Variants in DLGAP1 observed in about 807,000 individuals in gnomAD.
The protein encoded by DLGAP1 is DLG associated protein 1, also known as disks large-associated protein 1.
A neutral mutation model predicts 90.8 loss-of-function variants in DLGAP1; 11 were observed. That is an observed-to-expected ratio of 0.12 (90% CI 0.08 to 0.20). DLGAP1 has a LOEUF of 0.20. Ranked by LOEUF, DLGAP1 falls within the 10% of genes least tolerant of loss-of-function variation. The pLI, the probability that DLGAP1 is intolerant of heterozygous loss-of-function variation, is 1.00. For synonymous variants in DLGAP1, 558 were observed against 540.7 expected, an observed-to-expected ratio of 1.03 and a Z score of -0.44; for missense variants, 1,050 against 1,333.8, an observed-to-expected ratio of 0.79 and a Z score of 3.31.
intron 2 of DLGAP1, among the ~76,000 whole-genome samples, chr18:4,067,822 C>T (rs376976491): frequency 8.5e-5 from 13 of 152,112 alleles, no homozygotes; most frequent in African/African-American, 3.1e-4. Flanking sequence ...CTAGTTGTCC[C>T]CCCTTTCCTG....
At chr18:4,437,177 AC>A (rs1429446604) in intron 1 of DLGAP1, among the ~76,000 whole-genome samples, 1 of 152,242 alleles carries the variant, frequency 6.6e-6, no homozygotes, top group Admixed American at 6.5e-5. Context: ...ATATTGGCTG[AC>A]TGAAACATTG....
At chr18:3,853,247 C>A (rs1218477110) in intron 4 of DLGAP1, among the ~76,000 whole-genome samples, 1 of 152,088 alleles carries the variant, frequency 6.6e-6, no homozygotes, top group Non-Finnish European at 1.5e-5. Context: ...TGAACACTTA[C>A]ATTTTCAAGG....
rs551220919 is a variant in DLGAP1, at chr18:4,366,833, G to A, written c.-267+88173C>T. ...CATTTCTAGAGCATATCTAGAGGCT[G>A]TATCCAAAAAATCAAGATTGTTTCT... On this transcript the variant is annotated intron_variant, in intron 1 of 12. Coordinates refer to ENST00000315677, the MANE Select transcript of DLGAP1 (RefSeq NM_004746.4). Among the ~76,000 whole-genome samples, 4 of 151,776 alleles carry A rather than the reference G, an allele frequency of 2.6e-5. No individual in the cohort carries two copies. In the East Asian group the frequency reaches 5.8e-4, roughly 22 times the overall value.
intron 3 of DLGAP1, among the ~76,000 whole-genome samples, chr18:3,976,197 T>G (rs1398843938): frequency 6.8e-6 from 1 of 147,416 alleles, no homozygotes; most frequent in Admixed American, 6.8e-5. Context: ...AATACAATAA[T>G]AATAATAATA....
chr18:4,178,202 AACACACAC>A (rs59444096), intron 1 of DLGAP1, among the ~76,000 whole-genome samples: 5,943 of 118,404 alleles, frequency 0.05, 162 homozygotes, highest in African/African-American at 0.069. Flanking sequence ...TCCTGGAATA[AACACACAC>A]ACACACACAC....
chr18:4,270,546 C>A (rs2079254580), intron 1 of DLGAP1, among the ~76,000 whole-genome samples: 1 of 152,056 alleles, frequency 6.6e-6, no homozygotes, highest in Non-Finnish European at 1.5e-5. Context: ...TTTCATCACA[C>A]AAAACTAATA....
At chr18:3,741,333 C>CCACCACCACCACCACCAT (rs2063029561) in intron 6 of DLGAP1, among the ~76,000 whole-genome samples, 1 of 133,778 alleles carries the variant, frequency 7.5e-6, no homozygotes, top group Non-Finnish European at 1.6e-5. Context: ...ACCACCATCA[C>CCACCACCACCACCACCAT]CACCACCACC....
At chr18:3,966,535 AC>A (rs1265566143) in intron 3 of DLGAP1, among the ~76,000 whole-genome samples, 1 of 151,006 alleles carries the variant, frequency 6.6e-6, no homozygotes, top group Non-Finnish European at 1.5e-5. Context: ...AAGATGAGAT[AC>A]TAAAAAAAAT....
At chr18:3,693,812 C>T (rs1245109063) in intron 7 of DLGAP1, among the ~76,000 whole-genome samples, 1 of 152,170 alleles carries the variant, frequency 6.6e-6, no homozygotes, top group East Asian at 1.9e-4. Context: ...TTAGTCTCAG[C>T]ATCTCAGTGT....
intron 2 of DLGAP1, among the ~76,000 whole-genome samples, chr18:4,091,711 A>G (rs902492636): frequency 6.6e-6 from 1 of 152,112 alleles, no homozygotes; most frequent in Non-Finnish European, 1.5e-5. Flanking sequence ...AGCATTTCCA[A>G]TTGATTTTTT....
At chr18:3,656,063 T>G in intron 7 of DLGAP1, 2 of 1,538,712 alleles carry the variant, frequency 1.3e-6, no homozygotes, top group Non-Finnish European at 1.8e-6. Flanking sequence ...CATTATTGAT[T>G]TTGTGGTTGT....
intron 9 of DLGAP1, among the ~76,000 whole-genome samples, chr18:3,563,522 T>A (rs181798488): frequency 6.6e-6 from 1 of 151,686 alleles, no homozygotes; most frequent in African/African-American, 2.4e-5. Flanking sequence ...CAGGCTGGAG[T>A]GCAGTGGCAC....
chr18:4,060,956 T>C (rs962628906), intron 2 of DLGAP1, among the ~76,000 whole-genome samples: 8 of 152,178 alleles, frequency 5.3e-5, no homozygotes, highest in African/African-American at 1.9e-4. Flanking sequence ...AAATGCATCA[T>C]GAAGTGCTAC....
chr18:4,126,746 A>G (rs942466228), intron 2 of DLGAP1, among the ~76,000 whole-genome samples: 6 of 152,208 alleles, frequency 3.9e-5, no homozygotes, highest in African/African-American at 1.2e-4. Context: ...TTACTCTAAC[A>G]GTGGTTACAT....
At chr18:4,261,290 A>G (rs2078997647) in intron 1 of DLGAP1, among the ~76,000 whole-genome samples, 1 of 151,884 alleles carries the variant, frequency 6.6e-6, no homozygotes, top group African/African-American at 2.4e-5. Context: ...TCTCACAAAC[A>G]TGAAGTGATC....
At chr18:4,244,512 G>A (rs543855814) in intron 1 of DLGAP1, among the ~76,000 whole-genome samples, 27 of 152,194 alleles carry the variant, frequency 1.8e-4, no homozygotes, top group South Asian at 1.0e-3. Context: ...TAAATACTGC[G>A]TTAGTTGCAA....
At chr18:3,803,622 A>C (rs1428010860) in intron 5 of DLGAP1, among the ~76,000 whole-genome samples, 1 of 152,104 alleles carries the variant, frequency 6.6e-6, no homozygotes, top group Non-Finnish European at 1.5e-5. Context: ...CAGATGGTGG[A>C]AACAGTCTCC....
chr18:4,358,282 A>G (rs1346393031), intron 1 of DLGAP1, among the ~76,000 whole-genome samples: 1 of 152,250 alleles, frequency 6.6e-6, no homozygotes, highest in Non-Finnish European at 1.5e-5. Flanking sequence ...TAAATGACTG[A>G]AAGATTTCTT....
chr18:3,698,642 T>C (rs1383219589), intron 7 of DLGAP1, among the ~76,000 whole-genome samples: 3 of 152,092 alleles, frequency 2.0e-5, no homozygotes, highest in Non-Finnish European at 4.4e-5. Context: ...TCTTGAGGAG[T>C]ATCTTTGTAG....
Sources: gnomAD v4.1 joint callset for allele counts (sites outside exome capture counted in the v4.1 genomes callset) on GRCh38, gnomAD v4.1.1 for gene constraint, MANE v1.5 for transcripts, NCBI Gene and HGNC (gene_info 2026-07-23, HGNC 2026-07-21) for gene names.